Variants in KLHL1 observed in about 807,000 individuals in gnomAD.
KLHL1 encodes the protein kelch like family member 1.
In KLHL1, 47 loss-of-function variants were observed where a neutral mutation model predicts 77.7. The ratio of observed to expected loss-of-function variants is 0.60; its 90% CI spans 0.48 to 0.77. The LOEUF is 0.77. Ranked by LOEUF, KLHL1 falls within the 30% of genes least tolerant of loss-of-function variation. The pLI is 0.00. For missense variants in KLHL1, 925 were observed against 910.8 expected (o/e 1.02, Z -0.20); for synonymous variants, 360 against 325.2 (o/e 1.11, Z -1.15).
At chr13:70,067,043 A>G (rs1382614581) in intron 1 of KLHL1, among the ~76,000 whole-genome samples, 1 of 152,196 alleles carries the variant, frequency 6.6e-6, no homozygotes, top group African/African-American at 2.4e-5. Flanking sequence ...GGGAAATAAC[A>G]TTAAGAGAAC....
intron 9 of KLHL1, among the ~76,000 whole-genome samples, chr13:69,709,114 T>C (rs1875761949): frequency 6.6e-6 from 1 of 151,916 alleles, no homozygotes; most frequent in South Asian, 2.1e-4. Flanking sequence ...GGTCGAATGC[T>C]AGAAAACCAG....
At position 69,974,466 on chromosome 13, in the gene KLHL1, A is replaced by G. The variant is rs191478118; in HGVS notation, c.680+1154T>C. On this transcript the variant is annotated intron_variant, in intron 2 of 10. Coordinates refer to ENST00000377844, the MANE Select transcript of KLHL1 (RefSeq NM_020866.3). Reference sequence around the variant, plus strand: ...GAAAACAATGTAGAATATTATGAATATAGAATAATTGCTCAACAGATTGGT... The same window carrying G: ...GAAAACAATGTAGAATATTATGAATGTAGAATAATTGCTCAACAGATTGGT... 2.6e-5 allele frequency among the ~76,000 whole-genome samples: 4 copies of G among 151,942 alleles called. No homozygotes were observed. The East Asian group carries it at 7.7e-4, about 29-fold the overall frequency.
chr13:69,782,382 C>T (rs151103672), intron 7 of KLHL1, among the ~76,000 whole-genome samples: 3,475 of 152,264 alleles, frequency 0.023, 122 homozygotes, highest in African/African-American at 0.077. Context: ...ACTCGGGAAG[C>T]GCAAGGGGTC....
intron 6 of KLHL1, among the ~76,000 whole-genome samples, chr13:69,808,710 T>C (rs2138058462): frequency 6.6e-6 from 1 of 152,158 alleles, no homozygotes. Flanking sequence ...AAGCAATGGA[T>C]CCTAACCAGA....
intron 1 of KLHL1, among the ~76,000 whole-genome samples, chr13:70,106,958 T>C (rs1488864397): frequency 6.6e-6 from 1 of 152,216 alleles, no homozygotes; most frequent in Non-Finnish European, 1.5e-5. Context: ...CAAAAATGCA[T>C]GTAAGTTCAA....
intron 1 of KLHL1, among the ~76,000 whole-genome samples, chr13:70,053,810 G>A (rs1296433285): frequency 6.6e-6 from 1 of 151,980 alleles, no homozygotes; most frequent in Non-Finnish European, 1.5e-5. Context: ...GTTTTGGCGG[G>A]CACAAGAAAG....
chr13:70,015,079 C>A (rs1379905189), intron 1 of KLHL1, among the ~76,000 whole-genome samples: 1 of 152,164 alleles, frequency 6.6e-6, no homozygotes, highest in Non-Finnish European at 1.5e-5. Context: ...TCATATTGAA[C>A]TGAAAGTAGA....
At chr13:70,005,366 C>T (rs992481910) in intron 1 of KLHL1, among the ~76,000 whole-genome samples, 26 of 152,020 alleles carry the variant, frequency 1.7e-4, no homozygotes, top group Admixed American at 6.6e-4. Flanking sequence ...TTCTATCAAG[C>T]TTGTCCAACC....
At chr13:69,842,380 G>A (rs1299607768) in intron 5 of KLHL1, among the ~76,000 whole-genome samples, 1 of 151,710 alleles carries the variant, frequency 6.6e-6, no homozygotes, top group African/African-American at 2.4e-5. Flanking sequence ...AGTGGGCGAA[G>A]GACATGACTA....
chr13:70,011,751 C>A (rs917082049), intron 1 of KLHL1, among the ~76,000 whole-genome samples: 6 of 152,202 alleles, frequency 3.9e-5, no homozygotes, highest in Admixed American at 1.3e-4. Context: ...GCTTAGGAAT[C>A]AGCTTTTCCT....
chr13:70,082,358 CACACACACACA>C (rs1007910155), intron 1 of KLHL1, among the ~76,000 whole-genome samples: 6 of 134,950 alleles, frequency 4.4e-5, no homozygotes, highest in African/African-American at 1.7e-4. Flanking sequence ...CACACACACA[CACACACACACA>C]AAGGAACCAT....
chr13:69,963,682 G>C (rs910062993), intron 2 of KLHL1, among the ~76,000 whole-genome samples: 41 of 152,094 alleles, frequency 2.7e-4, no homozygotes, highest in Non-Finnish European at 2.9e-4. Context: ...GATATTGTAA[G>C]AAATTTGCAA....
At chr13:69,779,144 C>G (rs930651542) in intron 7 of KLHL1, among the ~76,000 whole-genome samples, 1 of 151,950 alleles carries the variant, frequency 6.6e-6, no homozygotes, top group Non-Finnish European at 1.5e-5. Flanking sequence ...GATGTGATTC[C>G]TAGCATTAAA....
intron 7 of KLHL1, among the ~76,000 whole-genome samples, chr13:69,761,983 A>G (rs1004092753): frequency 3.9e-5 from 6 of 152,186 alleles, no homozygotes; most frequent in African/African-American, 1.4e-4. Context: ...CTTCAAGTAT[A>G]TTTCTATTAC....
intron 6 of KLHL1, among the ~76,000 whole-genome samples, chr13:69,799,238 TG>T (rs1877267817): frequency 6.6e-6 from 1 of 152,184 alleles, no homozygotes; most frequent in South Asian, 2.1e-4. Context: ...AGAAAGTACT[TG>T]AACAACTGTA....
At chr13:69,724,274 G>T (rs1319581422) in intron 8 of KLHL1, among the ~76,000 whole-genome samples, 1 of 152,052 alleles carries the variant, frequency 6.6e-6, no homozygotes, top group Non-Finnish European at 1.5e-5. Context: ...AATGTATAAA[G>T]CAAGCTGTAC....
intron 2 of KLHL1, among the ~76,000 whole-genome samples, chr13:69,972,073 G>A (rs1884397201): frequency 6.6e-6 from 1 of 151,898 alleles, no homozygotes; most frequent in Non-Finnish European, 1.5e-5. Context: ...GGATGATTTA[G>A]TAAAATGAAA....
intron 9 of KLHL1, among the ~76,000 whole-genome samples, chr13:69,712,771 TTGGGG>T (rs754367744): frequency 4.5e-5 from 6 of 134,556 alleles, no homozygotes; most frequent in Non-Finnish European, 6.3e-5. Context: ...TTTTTTTTTT[TTGGGG>T]GGGGGGTTTT....
chr13:70,055,019 G>A (rs1474261872), intron 1 of KLHL1, among the ~76,000 whole-genome samples: 4 of 2,994 alleles, frequency 1.3e-3, no homozygotes, highest in Non-Finnish European at 6.2e-3. Flanking sequence ...ATTCAAAGAC[G>A]TAATAGAAAT....
Sources: gnomAD v4.1 joint callset for allele counts (sites outside exome capture counted in the v4.1 genomes callset) on GRCh38, gnomAD v4.1.1 for gene constraint, MANE v1.5 for transcripts, NCBI Gene and HGNC (gene_info 2026-07-23, HGNC 2026-07-21) for gene names.